NRG1: variants seen among roughly 807,000 people sequenced by gnomAD.
NRG1 encodes pro-neuregulin-1, membrane-bound isoform.
Under a neutral mutation model 63.8 loss-of-function variants are expected in NRG1, and 18 were observed. The observed-to-expected ratio is 0.28, with a 90% CI of 0.19 to 0.42. The LOEUF (loss-of-function observed/expected upper bound fraction) is 0.42. Among genes scored for constraint, NRG1 ranks in the 10% least tolerant of loss-of-function variants. The pLI is 1.00. For synonymous variants in NRG1, 302 were observed against 301.3 expected (o/e 1.00, Z -0.02); for missense variants, 762 against 814.7 (o/e 0.94, Z 0.79).
At chr8:32,298,884 G>C (rs1366472917) in intron 1 of NRG1, among the ~76,000 whole-genome samples, 19 of 151,088 alleles carry the variant, frequency 1.3e-4, no homozygotes, top group Non-Finnish European at 2.5e-4. Flanking sequence ...AAAATTAGCT[G>C]GGGATGGTGG....
At chr8:32,120,921 G>A (rs1241293141) in intron 1 of NRG1, among the ~76,000 whole-genome samples, 1 of 152,002 alleles carries the variant, frequency 6.6e-6, no homozygotes, top group Non-Finnish European at 1.5e-5. Context: ...TCTGCAAGAG[G>A]GGAGTTCCAT....
rs182230936 is a variant in NRG1, at chr8:31,954,352, G to T, written c.37+314921G>T. Among the ~76,000 whole-genome samples the T allele has an allele frequency of 3.9e-5, 6 of 152,332 alleles. No individual in the cohort carries two copies. The East Asian group carries it at 1.2e-3, about 29-fold the overall frequency. On this transcript the variant is annotated intron_variant, in intron 1 of 10. Transcript: ENST00000519301. ...GTAGGATAATAAAGCTTTTACTGGAGAGAGAGGTTGAAGAAAAGTTCTTTG... is the reference window on the plus strand; with the variant it reads ...GTAGGATAATAAAGCTTTTACTGGATAGAGAGGTTGAAGAAAAGTTCTTTG...
chr8:32,170,074 G>C (rs2131995776), intron 1 of NRG1, among the ~76,000 whole-genome samples: 1 of 152,328 alleles, frequency 6.6e-6, no homozygotes, highest in African/African-American at 2.4e-5. Context: ...GTTACCAGAA[G>C]CTGGAAGAGG....
intron 1 of NRG1, chr8:32,099,276 T>G (rs1323728887): frequency 6.6e-6 from 1 of 152,346 alleles, no homozygotes; most frequent in East Asian, 1.9e-4. Flanking sequence ...AGAAGATTGT[T>G]AGTAATTTGC....
intron 1 of NRG1, among the ~76,000 whole-genome samples, chr8:32,022,151 T>G (rs2130239991): frequency 6.6e-6 from 1 of 152,316 alleles, no homozygotes; most frequent in Non-Finnish European, 1.5e-5. Flanking sequence ...GACTGTTATT[T>G]ATGGGCTTTA....
intron 1 of NRG1, among the ~76,000 whole-genome samples, chr8:32,472,889 A>T (rs1348641502): frequency 6.6e-6 from 1 of 152,256 alleles, no homozygotes; most frequent in Non-Finnish European, 1.5e-5. Flanking sequence ...TTTATGTAAT[A>T]AACCTCCCTT....
intron 1 of NRG1, among the ~76,000 whole-genome samples, chr8:31,834,288 T>C (rs1825455405): frequency 1.4e-5 from 1 of 70,176 alleles, no homozygotes; most frequent in African/African-American, 5.8e-5. Context: ...TCTCCCTTCA[T>C]GCGTGTGCGC....
At chr8:32,643,118 T>C (rs1023688568) in intron 5 of NRG1, among the ~76,000 whole-genome samples, 9 of 152,344 alleles carry the variant, frequency 5.9e-5, no homozygotes, top group Admixed American at 5.9e-4. Context: ...TATTTTACTT[T>C]ATTCTGCCAA....
At chr8:32,378,492 T>C (rs553441865) in intron 1 of NRG1, among the ~76,000 whole-genome samples, 1 of 152,214 alleles carries the variant, frequency 6.6e-6, no homozygotes, top group South Asian at 2.1e-4. Context: ...ATAGCTCCAA[T>C]TTATAGCACC....
At chr8:32,001,073 T>C (rs1184634065) in intron 1 of NRG1, among the ~76,000 whole-genome samples, 1 of 152,082 alleles carries the variant, frequency 6.6e-6, no homozygotes, top group African/African-American at 2.4e-5. Flanking sequence ...CCCTCTACCA[T>C]GTTCCCCCTA....
At chr8:32,729,751 A>G (rs1293077979) in intron 6 of NRG1, among the ~76,000 whole-genome samples, 2 of 152,204 alleles carry the variant, frequency 1.3e-5, no homozygotes, top group Non-Finnish European at 2.9e-5. Flanking sequence ...TAAAAAACAT[A>G]TGTTTTAAAG....
chr8:32,001,450 A>G (rs1450135590), intron 1 of NRG1, among the ~76,000 whole-genome samples: 1 of 152,162 alleles, frequency 6.6e-6, no homozygotes, highest in Non-Finnish European at 1.5e-5. Flanking sequence ...CTGTGAGTCT[A>G]TTAGACCTCT....
At chr8:31,889,883 G>A (rs1831013925) in intron 1 of NRG1, among the ~76,000 whole-genome samples, 1 of 152,124 alleles carries the variant, frequency 6.6e-6, no homozygotes, top group South Asian at 2.1e-4. Context: ...AAGTGAGCCA[G>A]GAAAGTGGAT....
rs1814046397 is a variant in NRG1 at position 32,698,740 on chromosome 8, A to G, written c.503-29209A>G. 2.0e-5 allele frequency among the ~76,000 whole-genome samples: 3 copies of G among 152,274 alleles called. No homozygotes were observed. In the South Asian group the frequency reaches 6.2e-4, roughly 32 times the overall value. On this transcript the variant is annotated intron_variant, in intron 5 of 11. Coordinates refer to ENST00000356819, the Ensembl canonical transcript of NRG1. ...GGCTTACCCTCTTCTTCCAAGGCTA[A>G]TTTTGGAGGCTTTCTAGTCTTTCTT...
At chr8:32,353,475 AT>A (rs1385672845) in intron 1 of NRG1, among the ~76,000 whole-genome samples, 1 of 152,042 alleles carries the variant, frequency 6.6e-6, no homozygotes, top group Admixed American at 6.6e-5. Flanking sequence ...TATTGTTGTA[AT>A]TAATATAAAG....
intron 5 of NRG1, among the ~76,000 whole-genome samples, chr8:32,687,743 G>A (rs1018386609): frequency 6.6e-6 from 1 of 152,212 alleles, no homozygotes; most frequent in Non-Finnish European, 1.5e-5. Flanking sequence ...AATCATAACT[G>A]TAGTCAACCT....
intron 1 of NRG1, among the ~76,000 whole-genome samples, chr8:32,248,589 A>T (rs979932544): frequency 1.3e-5 from 2 of 152,058 alleles, no homozygotes; most frequent in African/African-American, 4.8e-5. Context: ...CTTCAATCCA[A>T]GGTTTTAAAT....
At chr8:31,762,404 C>T (rs1372426901) in intron 1 of NRG1, among the ~76,000 whole-genome samples, 1 of 152,168 alleles carries the variant, frequency 6.6e-6, no homozygotes, top group African/African-American at 2.4e-5. Flanking sequence ...CAAAGTATTC[C>T]ATGGTGTATG....
At chr8:32,457,531 C>A (rs1043304348) in intron 1 of NRG1, among the ~76,000 whole-genome samples, 1 of 152,120 alleles carries the variant, frequency 6.6e-6, no homozygotes, top group African/African-American at 2.4e-5. Context: ...AAATAGAAAT[C>A]CCTATGTATT....
Sources: allele counts gnomAD v4.1 joint callset (sites outside exome capture counted in the v4.1 genomes callset), GRCh38; gene constraint gnomAD v4.1.1; transcripts MANE v1.5; gene names NCBI Gene and HGNC (gene_info 2026-07-23, HGNC 2026-07-21).